Variants in ANKS1B observed in about 807,000 individuals in gnomAD.
The protein encoded by ANKS1B is ankyrin repeat and sterile alpha motif domain containing 1B, also known as ankyrin repeat and sterile alpha motif domain-containing protein 1B.
In ANKS1B, 36 loss-of-function variants were observed where a neutral mutation model predicts 148.3. That is an observed-to-expected ratio of 0.24 (90% CI 0.19 to 0.32). The LOEUF (loss-of-function observed/expected upper bound fraction) is 0.32. Ranked by LOEUF, ANKS1B falls within the 10% of genes least tolerant of loss-of-function variation. The pLI, the probability that ANKS1B is intolerant of heterozygous loss-of-function variation, is 1.00. For missense variants in ANKS1B, 1,157 were observed against 1,542.6 expected (o/e 0.75, Z 4.19); for synonymous variants, 542 against 560.8 (o/e 0.97, Z 0.47).
chr12:98,945,331 A>G (rs1381862224), intron 17 of ANKS1B, among the ~76,000 whole-genome samples: 1 of 151,924 alleles, frequency 6.6e-6, no homozygotes, highest in Non-Finnish European at 1.5e-5. Context: ...CCCCATCTCT[A>G]CAAAAATACA....
intron 1 of ANKS1B, among the ~76,000 whole-genome samples, chr12:99,968,085 AG>A (rs1474607937): frequency 6.6e-6 from 1 of 152,176 alleles, no homozygotes; most frequent in Non-Finnish European, 1.5e-5. Flanking sequence ...AGAAAGGCTA[AG>A]CAAAGGGACA....
intron 1 of ANKS1B, among the ~76,000 whole-genome samples, chr12:99,965,550 C>T (rs546090162): frequency 2.0e-4 from 31 of 152,258 alleles, no homozygotes; most frequent in African/African-American, 5.5e-4. Context: ...TTATCAGCAA[C>T]GGGACAGATC....
chr12:99,562,411 T>C (rs1286359846), intron 9 of ANKS1B, among the ~76,000 whole-genome samples: 3 of 152,236 alleles, frequency 2.0e-5, no homozygotes, highest in Non-Finnish European at 4.4e-5. Context: ...TCTCTAGCTA[T>C]GAAAGTCCTA....
intron 9 of ANKS1B, among the ~76,000 whole-genome samples, chr12:99,637,656 C>T (rs1156293186): frequency 6.6e-6 from 1 of 152,022 alleles, no homozygotes; most frequent in African/African-American, 2.4e-5. Context: ...ATGCTGGATG[C>T]TTCCTGCCCT....
intron 17 of ANKS1B, among the ~76,000 whole-genome samples, chr12:98,964,826 G>A (rs75212533): frequency 0.024 from 3,623 of 152,128 alleles, 134 homozygotes; most frequent in African/African-American, 0.075. Context: ...TTGAGGGTGC[G>A]GGGAAGGGAC....
intron 14 of ANKS1B, among the ~76,000 whole-genome samples, chr12:99,210,816 T>C (rs2083252795): frequency 6.6e-6 from 1 of 152,214 alleles, no homozygotes; most frequent in Non-Finnish European, 1.5e-5. Flanking sequence ...CTCTTGGCAT[T>C]CCTAATATCC....
chr12:99,317,809 A>C (rs918319745), intron 12 of ANKS1B, among the ~76,000 whole-genome samples: 4 of 152,150 alleles, frequency 2.6e-5, no homozygotes, highest in African/African-American at 7.2e-5. Flanking sequence ...GTTTGTCATA[A>C]ATAGCTCTTA....
At chr12:99,608,575 G>A (rs185422820) in intron 9 of ANKS1B, among the ~76,000 whole-genome samples, 1 of 152,104 alleles carries the variant, frequency 6.6e-6, no homozygotes, top group East Asian at 1.9e-4. Context: ...AAAGTCAAAT[G>A]CCTTCTCACA....
In ANKS1B at chr12:98,755,066, C is replaced by T. The variant is rs147413520; in HGVS notation, c.3580-3544G>A. Among the ~76,000 whole-genome samples, 19 of 152,018 alleles carry T rather than the reference C, an allele frequency of 1.2e-4. No individual in the cohort carries two copies. The East Asian group carries it at 2.3e-3, about 19-fold the overall frequency. On this transcript the variant is annotated intron_variant, in intron 25 of 26. Transcript: ENST00000683438. ...GGATGCCAGGAGGGCCCATGGGCAC[C>T]GAGACACACCTTCCAAGTGCTGTGT...
At chr12:99,463,578 C>T (rs1163951775) in intron 10 of ANKS1B, among the ~76,000 whole-genome samples, 1 of 152,222 alleles carries the variant, frequency 6.6e-6, no homozygotes, top group Non-Finnish European at 1.5e-5. Flanking sequence ...AATCAGGTCA[C>T]TCCCACCCTA....
At chr12:99,142,483 GGAAGGTTTT>G (rs1228338171) in intron 15 of ANKS1B, among the ~76,000 whole-genome samples, 1 of 151,928 alleles carries the variant, frequency 6.6e-6, no homozygotes, top group Non-Finnish European at 1.5e-5. Context: ...TAAGAATTGA[GGAAGGTTTT>G]GAAAAAAAAT....
intron 14 of ANKS1B, among the ~76,000 whole-genome samples, chr12:99,209,539 G>C (rs1038633683): frequency 2.6e-5 from 4 of 152,130 alleles, no homozygotes; most frequent in Admixed American, 2.6e-4. Flanking sequence ...GATGAAGCTA[G>C]ACAACTCAAT....
Position 99,733,579 on chromosome 12 carries a change from A to C in ANKS1B, c.1128+39343T>G, listed in dbSNP as rs2059363078. Among the ~76,000 whole-genome samples, 2 of 152,210 alleles carry C rather than the reference A, an allele frequency of 1.3e-5. 1 individual carries two copies. Among genetic ancestry groups the C allele is most frequent in the South Asian group, 4.1e-4 (2 of 4,826 alleles). On this transcript the variant is annotated intron_variant, in intron 8 of 26. Coordinates refer to ENST00000683438, the MANE Select transcript of ANKS1B (RefSeq NM_001352186.2). ...TATCACAATGACTCTGTAAGAGAAA[A>C]CATTTTACATTGTCTTTCTAAAATA...
rs769500606 is a variant in ANKS1B at position 99,399,802 on chromosome 12, G to T, written c.1585C>A (p.Arg529=). The change falls in exon 12 of 27, where the codon CGA becomes AGA. Residue 529 remains arginine, a synonymous_variant. Coordinates refer to ENST00000683438, the MANE Select transcript of ANKS1B (RefSeq NM_001352186.2). Reference sequence around the variant, plus strand: ...TCCAGAGAAGACACAATGGATGTTCGCTGTTTAGGCTAAAATAAATGAGCA... The same window carrying T: ...TCCAGAGAAGACACAATGGATGTTCTCTGTTTAGGCTAAAATAAATGAGCA... ...VKVIRPQPKQ[R]TSIVSSLDFH... 14 of 1,613,024 alleles carry T rather than the reference G, an allele frequency of 8.7e-6. No homozygotes were observed. The highest frequency in any genetic ancestry group is 1.7e-5 in the Admixed American group (1 of 59,936).
At chr12:98,794,911 T>C (rs1221231001) in intron 22 of ANKS1B, 21 of 1,502,744 alleles carry the variant, frequency 1.4e-5, no homozygotes, top group South Asian at 1.2e-4. Flanking sequence ...AGGGAAGCAG[T>C]TGGAAGAGAA....
At chr12:99,493,478 T>C (rs909801435) in intron 10 of ANKS1B, among the ~76,000 whole-genome samples, 1 of 152,156 alleles carries the variant, frequency 6.6e-6, no homozygotes, top group African/African-American at 2.4e-5. Context: ...GAGACTATTA[T>C]AATAGTCCAG....
At chr12:99,820,805 T>C (rs1479864580) in intron 2 of ANKS1B, among the ~76,000 whole-genome samples, 6 of 151,884 alleles carry the variant, frequency 4.0e-5, no homozygotes, top group Middle Eastern at 3.4e-3. Flanking sequence ...AGGGAGAGTT[T>C]AACAACAAAG....
intron 1 of ANKS1B, among the ~76,000 whole-genome samples, chr12:99,959,220 CCAG>C (rs1349212825): frequency 7.0e-6 from 1 of 142,668 alleles, no homozygotes; most frequent in African/African-American, 2.6e-5. Context: ...GCCACCACAC[CCAG>C]TTAATTTTTT....
At chr12:98,881,890 G>T (rs1022148322) in intron 17 of ANKS1B, among the ~76,000 whole-genome samples, 5 of 152,076 alleles carry the variant, frequency 3.3e-5, no homozygotes, top group Non-Finnish European at 7.4e-5. Context: ...TATGGAATAA[G>T]TATATACTTC....
Sources: allele counts gnomAD v4.1 joint callset (sites outside exome capture counted in the v4.1 genomes callset), GRCh38; gene constraint gnomAD v4.1.1; transcripts MANE v1.5; gene names NCBI Gene and HGNC (gene_info 2026-07-23, HGNC 2026-07-21).